Variants in TMEM63C observed in about 807,000 individuals in gnomAD.
TMEM63C encodes transmembrane protein 63C.
A neutral mutation model predicts 99.2 loss-of-function variants in TMEM63C; 32 were observed. The ratio of observed to expected loss-of-function variants is 0.32; its 90% CI spans 0.24 to 0.43. The LOEUF is 0.43. Ranked by LOEUF, TMEM63C falls within the 20% of genes least tolerant of loss-of-function variation. The probability of loss-of-function intolerance (pLI) is 1.00; values close to 1 mark genes in which losing one functional copy is unlikely to be tolerated. For synonymous variants in TMEM63C, 376 were observed against 397.9 expected, an observed-to-expected ratio of 0.94 and a Z score of 0.66; for missense variants, 826 against 1,053.0, an observed-to-expected ratio of 0.78 and a Z score of 2.98.
intron 1 of TMEM63C, among the ~76,000 whole-genome samples, chr14:77,196,842 C>T (rs1174775686): frequency 1.3e-5 from 2 of 152,130 alleles, no homozygotes; most frequent in Non-Finnish European, 2.9e-5. Flanking sequence ...CGCGGGAAGC[C>T]CTTTGGCTTC....
At chr14:77,224,601 C>T (rs544637518) in intron 5 of TMEM63C, among the ~76,000 whole-genome samples, 5 of 152,148 alleles carry the variant, frequency 3.3e-5, no homozygotes, top group Admixed American at 6.5e-5. Context: ...AGATGACTCT[C>T]TCTCTAGTCC....
At chr14:77,231,862 C>A in intron 7 of TMEM63C, 132 bp downstream of exon 7, 1 of 1,051,946 alleles carries the variant, frequency 9.5e-7, no homozygotes, top group Non-Finnish European at 1.4e-6. Context: ...GTTGTGTGAA[C>A]TTGAACAAAC....
At chr14:77,190,558 A>G (rs2140089756) in intron 1 of TMEM63C, among the ~76,000 whole-genome samples, 1 of 152,370 alleles carries the variant, frequency 6.6e-6, no homozygotes, top group Middle Eastern at 3.4e-3. Context: ...TGTTACAAAA[A>G]TGAACATACC....
intron 23 of TMEM63C, among the ~76,000 whole-genome samples, chr14:77,253,966 C>T (rs1889419664): frequency 6.6e-6 from 1 of 152,192 alleles, no homozygotes; most frequent in African/African-American, 2.4e-5. Context: ...AGCTTCAGAG[C>T]CACCAATGCA....
chr14:77,231,761 C>T (rs1888947626), intron 7 of TMEM63C, 31 bp downstream of exon 7: 1 of 1,550,648 alleles, frequency 6.4e-7, no homozygotes, highest in Non-Finnish European at 8.7e-7. Context: ...CCTGGGGCAG[C>T]AGCTGGACCT....
chr14:77,254,167 G>A (rs1300179919), intron 23 of TMEM63C, among the ~76,000 whole-genome samples: 1 of 152,196 alleles, frequency 6.6e-6, no homozygotes, highest in Non-Finnish European at 1.5e-5. Context: ...CAAGGAAGAG[G>A]AGCAGCCTGT....
intron 21 of TMEM63C, among the ~76,000 whole-genome samples, chr14:77,250,766 C>T (rs553715273): frequency 6.6e-6 from 1 of 152,310 alleles, no homozygotes; most frequent in South Asian, 2.1e-4. Context: ...ACCCATTTGC[C>T]ATCACCCCCA....
At chr14:77,230,979 G>A (rs1007596920) in intron 6 of TMEM63C, among the ~76,000 whole-genome samples, 2 of 152,322 alleles carry the variant, frequency 1.3e-5, no homozygotes, top group African/African-American at 4.8e-5. Context: ...AAACCTAGGA[G>A]TGAATTGCTG....
At chr14:77,196,790 T>C (rs1228101034) in intron 1 of TMEM63C, among the ~76,000 whole-genome samples, 1 of 152,200 alleles carries the variant, frequency 6.6e-6, no homozygotes, top group East Asian at 1.9e-4. Flanking sequence ...AATGTTGTGG[T>C]TGAACATCTC....
intron 2 of TMEM63C, among the ~76,000 whole-genome samples, chr14:77,215,678 G>A (rs367095): frequency 0.059 from 8,846 of 151,130 alleles, 347 homozygotes; most frequent in Admixed American, 0.096. Flanking sequence ...GGCTGCCGCC[G>A]CCACTCCTGG....
intron 22 of TMEM63C, among the ~76,000 whole-genome samples, 184 bp downstream of exon 22, chr14:77,252,082 T>C (rs971426805): frequency 2.1e-5 from 3 of 144,872 alleles, no homozygotes; most frequent in Admixed American, 1.4e-4. Context: ...CTTGCGTGCA[T>C]GCGTGCATGC....
chr14:77,203,121 T>C (rs1177277975), intron 1 of TMEM63C, among the ~76,000 whole-genome samples: 1 of 152,200 alleles, frequency 6.6e-6, no homozygotes, highest in Admixed American at 6.5e-5. Context: ...CTTATCCCTG[T>C]AATCCCAGCA....
Position 77,244,474 on chromosome 14 carries a change from C to T in TMEM63C, c.1448+19C>T, listed in dbSNP as rs780309303. The stretch of plus-strand genomic sequence containing the variant: ...GGACCAGGTGACCTGGGGGCCTCCT[C>T]TCGTAGCCCTGTGGTTTCTCCAGCC... On this transcript the variant is annotated intron_variant, in intron 16 of 23. Coordinates refer to ENST00000298351, the MANE Select transcript of TMEM63C (RefSeq NM_020431.4). The T allele has an allele frequency of 1.3e-5, 20 of 1,593,778 alleles. No individual in the cohort carries two copies. The highest frequency in any genetic ancestry group is 1.6e-5 in the Non-Finnish European group (19 of 1,162,014).
At chr14:77,242,862 T>G in intron 14 of TMEM63C, 41 bp from the exon 15 acceptor site, 1 of 1,612,722 alleles carries the variant, frequency 6.2e-7, no homozygotes, top group South Asian at 1.1e-5. Context: ...CTCTAAGAAC[T>G]GATGTCTCTA....
rs558649553 is a variant in TMEM63C, at chr14:77,256,885, G to T, written c.*159G>T. 1.0e-5 allele frequency: 7 copies of T among 685,408 alleles called. No homozygotes were observed. Among genetic ancestry groups the T allele is most frequent in the Admixed American group, 5.9e-5 (2 of 34,062 alleles). 42.5% of individuals were successfully genotyped at this position (685,408 alleles called of 1,614,324 possible). A position where few individuals can be genotyped will look rare whatever the true frequency, so the allele number is the denominator to read the frequency against. ...CACCCCAGCCATGGGCCATACGGGG[G>T]TCCTGACCTGCTGCCCGGCTGGAAC... On this transcript the variant is annotated 3_prime_UTR_variant, in exon 24 of 24. Transcript: ENST00000298351.
In TMEM63C at chr14:77,245,830, G is replaced by A. The variant is rs7158696; in HGVS notation, c.1449-110G>A. The stretch of plus-strand genomic sequence containing the variant: ...AGCTACAAGATGAGATTTGGGTGGG[G>A]ACACAGAGCCAAACCATATCAGTGT... On this transcript the variant is annotated intron_variant, in intron 16 of 23. Transcript: ENST00000298351. The A allele has an allele frequency of 5.9e-4, 473 of 807,620 alleles. No individual in the cohort carries two copies. In the African/African-American group the frequency reaches 7.1e-3, roughly 12 times the overall value. 50.0% of individuals were successfully genotyped at this position (807,620 alleles called of 1,614,324 possible). A position where few individuals can be genotyped will look rare whatever the true frequency, so the allele number is the denominator to read the frequency against.
At chr14:77,253,271 G>T in intron 22 of TMEM63C, 34 bp from the exon 23 acceptor site, 3 of 1,601,946 alleles carry the variant, frequency 1.9e-6, no homozygotes, top group Middle Eastern at 1.7e-4. Context: ...CAAAGAGCAG[G>T]CCTCCTGTAA....
rs746274837 is a variant in TMEM63C at position 77,239,654 on chromosome 14, T to C, written c.858T>C (p.Thr286=). 29 of 1,613,080 alleles carry C rather than the reference T, an allele frequency of 1.8e-5. No homozygotes were observed. The highest frequency in any genetic ancestry group is 2.4e-5 in the Non-Finnish European group (28 of 1,179,620). ...TCTATACAGCCAAGGCCAAGAAGACTGGGAAGGTGATGATCAGGATCCACC... is the reference window on the plus strand; with the variant it reads ...TCTATACAGCCAAGGCCAAGAAGACCGGGAAGGTGATGATCAGGATCCACC... ...RLFYTAKAKK[T]GKVMIRIHPC... The change falls in exon 12 of 24, where the codon ACT becomes ACC. Residue 286 remains threonine, a synonymous_variant. Coordinates refer to ENST00000298351, the MANE Select transcript of TMEM63C (RefSeq NM_020431.4).
intron 1 of TMEM63C, among the ~76,000 whole-genome samples, chr14:77,188,854 G>GA (rs35876079): frequency 0.72 from 108,589 of 151,220 alleles, 39,326 homozygotes; most frequent in East Asian, 0.89. Context: ...CAACCAAACA[G>GA]AAAAAAAAAG....
Sources: gnomAD v4.1 joint callset for allele counts (sites outside exome capture counted in the v4.1 genomes callset) on GRCh38, gnomAD v4.1.1 for gene constraint, MANE v1.5 for transcripts, NCBI Gene and HGNC (gene_info 2026-07-23, HGNC 2026-07-21) for gene names.